The following PPM1H variants were observed in gnomAD, a reference collection of about 807,000 sequenced individuals.
PPM1H encodes protein phosphatase, Mg2+/Mn2+ dependent 1H, also known as protein phosphatase 1H.
Under a neutral mutation model 54.9 loss-of-function variants are expected in PPM1H, and 27 were observed. The ratio of observed to expected loss-of-function variants is 0.49; its 90% confidence interval spans 0.36 to 0.68. PPM1H has a LOEUF of 0.68. PPM1H is among the 30% of genes least tolerant of loss of function. The pLI, the probability that PPM1H is intolerant of heterozygous loss-of-function variation, is 0.00. For missense variants in PPM1H, 596 were observed against 667.8 expected (o/e 0.89, Z 1.19); for synonymous variants, 305 against 270.8 (o/e 1.13, Z -1.24).
At chr12:62,707,056 T>G (rs1213425257) in intron 6 of PPM1H, among the ~76,000 whole-genome samples, 1 of 152,150 alleles carries the variant, frequency 6.6e-6, no homozygotes, top group Non-Finnish European at 1.5e-5. Flanking sequence ...GTGCCCAGTT[T>G]TCTATAGGGT....
intron 8 of PPM1H, among the ~76,000 whole-genome samples, chr12:62,678,841 C>A (rs2076002307): frequency 6.6e-6 from 1 of 152,108 alleles, no homozygotes; most frequent in South Asian, 2.1e-4. Flanking sequence ...CAGGCATGCA[C>A]CACCATGCCT....
At chr12:62,681,340 C>T (rs191878762) in intron 8 of PPM1H, among the ~76,000 whole-genome samples, 13 of 152,294 alleles carry the variant, frequency 8.5e-5, no homozygotes, top group African/African-American at 3.1e-4. Context: ...CCTCATTATG[C>T]CACCTTTTAG....
intron 8 of PPM1H, among the ~76,000 whole-genome samples, chr12:62,682,431 T>C (rs980342326): frequency 6.6e-6 from 1 of 152,210 alleles, no homozygotes; most frequent in African/African-American, 2.4e-5. Flanking sequence ...AATCAGAAGA[T>C]TATAAATGTT....
chr12:62,888,724 C>T (rs1476143661), intron 1 of PPM1H, among the ~76,000 whole-genome samples: 9 of 151,944 alleles, frequency 5.9e-5, no homozygotes, highest in African/African-American at 1.5e-4. Flanking sequence ...GGATAAGGGT[C>T]GGGGAGAGGA....
chr12:62,920,909 G>A (rs1032253221), intron 1 of PPM1H, among the ~76,000 whole-genome samples: 2 of 151,892 alleles, frequency 1.3e-5, no homozygotes, highest in African/African-American at 4.8e-5. Context: ...GCATTTTTAT[G>A]TAATTAATTA....
chr12:62,815,337 A>G (rs1374981373), intron 2 of PPM1H, among the ~76,000 whole-genome samples: 1 of 152,172 alleles, frequency 6.6e-6, no homozygotes, highest in Non-Finnish European at 1.5e-5. Context: ...CTCCAACATA[A>G]TGAGGCAGTA....
chr12:62,803,079 C>G (rs2076781295), intron 2 of PPM1H, among the ~76,000 whole-genome samples: 1 of 152,162 alleles, frequency 6.6e-6, no homozygotes, highest in African/African-American at 2.4e-5. Flanking sequence ...AACATGTTTT[C>G]ACCCTAGACA....
chr12:62,904,835 A>T (rs1305060991), intron 1 of PPM1H, among the ~76,000 whole-genome samples: 1 of 152,220 alleles, frequency 6.6e-6, no homozygotes, highest in Non-Finnish European at 1.5e-5. Context: ...ATCTTAGTAT[A>T]TGAAATATTA....
At chr12:62,832,073 A>ATTCT in intron 2 of PPM1H, 41 bp downstream of exon 2, 1 of 1,601,052 alleles carries the variant, frequency 6.2e-7, no homozygotes, top group Non-Finnish European at 8.6e-7. Context: ...AGTGTGTGCC[A>ATTCT]TTCTTCTCAC....
At chr12:62,800,924 A>G (rs2076764557) in intron 3 of PPM1H, among the ~76,000 whole-genome samples, 4 of 152,212 alleles carry the variant, frequency 2.6e-5, no homozygotes, top group Admixed American at 6.5e-5. Flanking sequence ...AGTGAGGCCA[A>G]CAGCGAAGGA....
At chr12:62,855,942 T>C (rs1869369275) in intron 1 of PPM1H, among the ~76,000 whole-genome samples, 1 of 152,224 alleles carries the variant, frequency 6.6e-6, no homozygotes, top group African/African-American at 2.4e-5. Context: ...GATGAGACTG[T>C]GTTAAGTGTA....
intron 9 of PPM1H, among the ~76,000 whole-genome samples, chr12:62,662,726 C>T (rs2075891978): frequency 6.6e-6 from 1 of 152,096 alleles, no homozygotes; most frequent in African/African-American, 2.4e-5. Flanking sequence ...CTCTCATATA[C>T]CATTTATAGT....
At chr12:62,672,901 A>C (rs17098161) in intron 8 of PPM1H, among the ~76,000 whole-genome samples, 25,002 of 152,120 alleles carry the variant, frequency 0.16, 2,667 homozygotes, top group African/African-American at 0.31. Context: ...TTCAGGACAT[A>C]CTTGCTGAGG....
chr12:62,839,513 G>A (rs1367558066), intron 1 of PPM1H, among the ~76,000 whole-genome samples: 1 of 151,812 alleles, frequency 6.6e-6, no homozygotes, highest in African/African-American at 2.4e-5. Context: ...CCTGAGGAGA[G>A]GCTGACTCCC....
chr12:62,904,899 T>C (rs1255789085), intron 1 of PPM1H, among the ~76,000 whole-genome samples: 1 of 152,208 alleles, frequency 6.6e-6, no homozygotes, highest in African/African-American at 2.4e-5. Context: ...CATTTTTTTT[T>C]CAGCTCTGAC....
At chr12:62,816,811 G>A (rs527858689) in intron 2 of PPM1H, among the ~76,000 whole-genome samples, 7 of 151,886 alleles carry the variant, frequency 4.6e-5, no homozygotes, top group African/African-American at 1.7e-4. Context: ...AAAGCTGTGG[G>A]AAGTCAGATT....
chr12:62,801,828 T>C lies in PPM1H; in HGVS notation c.744A>G (p.Ala248=), dbSNP rs535040361. The change falls in exon 3 of 10, where the codon GCA becomes GCG. Residue 248 remains alanine, a synonymous_variant. Coordinates refer to ENST00000228705, the MANE Select transcript of PPM1H (RefSeq NM_020700.2). ...CAGGAATACCTACCATTTCCTTGAA[T>C]GCACTTTCAAGCGCTCCGATGACCA... The part of the protein sequence containing the change: ...ECLVIGALES[A]FKEMDLQIER... 5 of 1,613,794 alleles carry C rather than the reference T, an allele frequency of 3.1e-6. No individual in the cohort carries two copies. The highest frequency in any genetic ancestry group is 1.7e-5 in the Admixed American group (1 of 60,022).
At chr12:62,716,177 G>A (rs1204666685) in intron 6 of PPM1H, among the ~76,000 whole-genome samples, 5 of 152,142 alleles carry the variant, frequency 3.3e-5, no homozygotes, top group Non-Finnish European at 7.3e-5. Flanking sequence ...TGCAAAATGG[G>A]AGTAAGGGGG....
chr12:62,676,079 G>T (rs1306750018), intron 8 of PPM1H, among the ~76,000 whole-genome samples: 1 of 152,174 alleles, frequency 6.6e-6, no homozygotes, highest in Non-Finnish European at 1.5e-5. Flanking sequence ...ATGCTGATTG[G>T]TTCATGGGTG....
Sources: gnomAD v4.1 joint callset for allele counts (sites outside exome capture counted in the v4.1 genomes callset) on GRCh38, gnomAD v4.1.1 for gene constraint, MANE v1.5 for transcripts, NCBI Gene and HGNC (gene_info 2026-07-23, HGNC 2026-07-21) for gene names.